Variants in SLC39A11 observed in about 807,000 individuals in gnomAD.
SLC39A11 encodes solute carrier family 39 member 11, also known as zinc transporter ZIP11.
SLC39A11 carries 33 observed loss-of-function variants against 36.1 expected under a neutral mutation model. The ratio of observed to expected loss-of-function variants is 0.91; its 90% CI spans 0.69 to 1.22. The LOEUF is 1.22. SLC39A11 is among the 50% of genes most tolerant of loss of function. SLC39A11 has a pLI of 0.00. For synonymous variants in SLC39A11, 166 were observed against 170.3 expected, an observed-to-expected ratio of 0.97 and a Z score of 0.20; for missense variants, 432 against 430.3, an observed-to-expected ratio of 1.00 and a Z score of -0.03.
At chr17:72,982,984 T>G (rs2088443741) in intron 4 of SLC39A11, among the ~76,000 whole-genome samples, 1 of 152,144 alleles carries the variant, frequency 6.6e-6, no homozygotes, top group Admixed American at 6.5e-5. Context: ...AGAACGTCTA[T>G]TAAATATCCA....
At chr17:73,088,309 A>G (rs1414038092) in intron 2 of SLC39A11, among the ~76,000 whole-genome samples, 3 of 151,962 alleles carry the variant, frequency 2.0e-5, no homozygotes, top group Admixed American at 2.0e-4. Context: ...AAAAAAGAAA[A>G]AAGAAAAAAG....
chr17:73,086,882 G>A (rs1470631), intron 2 of SLC39A11, among the ~76,000 whole-genome samples: 111,875 of 151,742 alleles, frequency 0.74, 41,324 homozygotes, highest in East Asian at 0.87. Context: ...GCGAAACCCC[G>A]TCTCTACTAA....
intron 6 of SLC39A11, among the ~76,000 whole-genome samples, chr17:72,749,814 A>G (rs75921330): frequency 0.025 from 3,748 of 152,154 alleles, 142 homozygotes; most frequent in African/African-American, 0.083. Context: ...TGAGGTGGGT[A>G]GACCATTCCA....
At chr17:72,881,086 C>T (rs1442864463) in intron 5 of SLC39A11, among the ~76,000 whole-genome samples, 2 of 151,320 alleles carry the variant, frequency 1.3e-5, no homozygotes, top group African/African-American at 2.4e-5. Context: ...AAAAGCACTT[C>T]GGAAGACAGT....
intron 4 of SLC39A11, among the ~76,000 whole-genome samples, chr17:73,007,801 G>A (rs537598148): frequency 4.6e-5 from 7 of 152,188 alleles, no homozygotes; most frequent in Admixed American, 6.5e-5. Context: ...GAATGACATC[G>A]TCAGAAACAT....
chr17:72,787,851 C>A (rs748613440), intron 6 of SLC39A11, among the ~76,000 whole-genome samples: 16 of 152,122 alleles, frequency 1.1e-4, no homozygotes, highest in Non-Finnish European at 1.9e-4. Context: ...AGCTGACTCT[C>A]CCCCTCCTTC....
chr17:72,812,378 G>C (rs1448380774), intron 6 of SLC39A11, among the ~76,000 whole-genome samples: 4 of 152,142 alleles, frequency 2.6e-5, no homozygotes, highest in African/African-American at 9.7e-5. Flanking sequence ...AAAAATTAAG[G>C]TACATTTGAA....
chr17:72,660,200 A>G (rs562561113), intron 7 of SLC39A11, among the ~76,000 whole-genome samples: 1 of 152,330 alleles, frequency 6.6e-6, no homozygotes, highest in East Asian at 1.9e-4. Flanking sequence ...TGTGCACAGC[A>G]CTGGAGACCC....
At chr17:72,889,010 G>A (rs1394897033) in intron 5 of SLC39A11, among the ~76,000 whole-genome samples, 1 of 152,134 alleles carries the variant, frequency 6.6e-6, no homozygotes, top group African/African-American at 2.4e-5. Flanking sequence ...AGAGGCCTCA[G>A]ACTCAAGCAA....
intron 4 of SLC39A11, among the ~76,000 whole-genome samples, chr17:72,989,522 T>C (rs17183537): frequency 0.05 from 7,679 of 152,292 alleles, 275 homozygotes; most frequent in Non-Finnish European, 0.079. Flanking sequence ...AATGATCTAG[T>C]CTTGTATCTG....
intron 7 of SLC39A11, among the ~76,000 whole-genome samples, chr17:72,657,322 C>T (rs1231205892): frequency 3.9e-5 from 6 of 152,244 alleles, no homozygotes; most frequent in East Asian, 3.9e-4. Flanking sequence ...ATAGCGCCAC[C>T]GCACTCCAGG....
At position 72,897,594 on chromosome 17, in the gene SLC39A11, G is replaced by A. The variant is rs77977193; in HGVS notation, c.431-47790C>T. Among the ~76,000 whole-genome samples the A allele has an allele frequency of 6.9e-3, 1,048 of 152,318 alleles. 11 individuals carry two copies. Among genetic ancestry groups the A allele is most frequent in the African/African-American group, 0.024 (1,010 of 41,574 alleles). On this transcript the variant is annotated intron_variant, in intron 5 of 9. Coordinates refer to ENST00000255559, the MANE Select transcript of SLC39A11 (RefSeq NM_139177.4). ...CGATGGGTTGAGTTTGGGATGAGCTGAGTTTGAAGAAAGTCTAATATCATG... is the reference window on the plus strand; with the variant it reads ...CGATGGGTTGAGTTTGGGATGAGCTAAGTTTGAAGAAAGTCTAATATCATG...
intron 6 of SLC39A11, among the ~76,000 whole-genome samples, chr17:72,749,311 C>G (rs1048636114): frequency 6.6e-6 from 1 of 152,218 alleles, no homozygotes; most frequent in African/African-American, 2.4e-5. Context: ...TTCCTTGACT[C>G]TGAAGTCAGA....
rs1371450468 is a variant in SLC39A11, at chr17:72,647,173, C to CT, written c.*410dup. The CT allele has an allele frequency of 1.9e-5, 3 of 158,206 alleles. No homozygotes were observed. Among genetic ancestry groups the CT allele is most frequent in the Non-Finnish European group, 2.8e-5 (2 of 72,158 alleles). The allele number at this position is 158,206 out of a possible 1,614,324, so 9.8% of individuals were successfully genotyped here. On this transcript the variant is annotated 3_prime_UTR_variant, in exon 10 of 10. Transcript: ENST00000255559. ...GCAGGAGGGGCGGATGAGAGGTGTGCTGGCCACTCTGCCCTGAGTCACTAG... is the reference window on the plus strand; with the variant it reads ...GCAGGAGGGGCGGATGAGAGGTGTGCTTGGCCACTCTGCCCTGAGTCACTAG...
chr17:72,791,554 C>T (rs1197032552), intron 6 of SLC39A11, among the ~76,000 whole-genome samples: 1 of 152,144 alleles, frequency 6.6e-6, no homozygotes, highest in South Asian at 2.1e-4. Context: ...TGTGTAGGCA[C>T]TGTTTTAAGT....
intron 6 of SLC39A11, among the ~76,000 whole-genome samples, chr17:72,744,323 C>T (rs971877549): frequency 2.0e-5 from 3 of 152,164 alleles, no homozygotes; most frequent in African/African-American, 4.8e-5. Context: ...CTGGCCTCTA[C>T]TCACTAGATG....
At chr17:72,826,802 C>G (rs990576022) in intron 6 of SLC39A11, among the ~76,000 whole-genome samples, 10 of 152,120 alleles carry the variant, frequency 6.6e-5, no homozygotes, top group Non-Finnish European at 1.3e-4. Context: ...CAAAGAACTA[C>G]CACTTACAAC....
intron 7 of SLC39A11, chr17:72,663,742 C>A (rs1306209439): frequency 6.6e-6 from 1 of 152,164 alleles, no homozygotes; most frequent in Non-Finnish European, 1.5e-5. Flanking sequence ...ATATGAACGT[C>A]TGTCCCGCGA....
chr17:72,912,563 G>C (rs71380146), intron 5 of SLC39A11, among the ~76,000 whole-genome samples: 59 of 151,164 alleles, frequency 3.9e-4, no homozygotes, highest in Non-Finnish European at 7.5e-4. Flanking sequence ...GCCTCCCAAA[G>C]AGCTGGGAGC....
Sources: allele counts gnomAD v4.1 joint callset (sites outside exome capture counted in the v4.1 genomes callset), GRCh38; gene constraint gnomAD v4.1.1; transcripts MANE v1.5; gene names NCBI Gene and HGNC (gene_info 2026-07-23, HGNC 2026-07-21).